The following AUTS2 variants were observed in gnomAD, a reference collection of about 807,000 sequenced individuals.
The protein encoded by AUTS2 is autism susceptibility gene 2 protein.
Under a neutral mutation model 112.4 loss-of-function variants are expected in AUTS2, and 17 were observed. That is an observed-to-expected ratio of 0.15 (90% CI 0.10 to 0.23). The LOEUF (loss-of-function observed/expected upper bound fraction) is 0.23. AUTS2 is among the 10% of genes least tolerant of loss of function. The probability of loss-of-function intolerance (pLI) is 1.00; values close to 1 mark genes in which losing one functional copy is unlikely to be tolerated. For synonymous variants in AUTS2, 751 were observed against 702.7 expected, an observed-to-expected ratio of 1.07 and a Z score of -1.09; for missense variants, 1,510 against 1,701.6, an observed-to-expected ratio of 0.89 and a Z score of 1.98.
At chr7:70,109,596 C>A (rs959146789) in intron 2 of AUTS2, among the ~76,000 whole-genome samples, 3 of 152,138 alleles carry the variant, frequency 2.0e-5, no homozygotes, top group African/African-American at 7.2e-5. Flanking sequence ...GATCTGGAAT[C>A]AATAGACAGG....
intron 4 of AUTS2, among the ~76,000 whole-genome samples, chr7:70,337,487 T>C (rs879745962): frequency 2.6e-5 from 4 of 152,222 alleles, no homozygotes; most frequent in Non-Finnish European, 5.9e-5. Context: ...TATTACTTTA[T>C]GTAGCGTGCA....
At chr7:69,842,522 G>C (rs1267034066) in intron 1 of AUTS2, among the ~76,000 whole-genome samples, 3 of 152,222 alleles carry the variant, frequency 2.0e-5, no homozygotes, top group Admixed American at 6.5e-5. Flanking sequence ...TTTGATCACA[G>C]AAGTGTGTGA....
intron 2 of AUTS2, among the ~76,000 whole-genome samples, chr7:69,954,712 T>C (rs1171388046): frequency 6.6e-6 from 1 of 152,334 alleles, no homozygotes. Flanking sequence ...AAGTTTTGCC[T>C]TATGCAAGGT....
chr7:70,660,919 A>G (rs1807038699), intron 5 of AUTS2, among the ~76,000 whole-genome samples: 1 of 152,164 alleles, frequency 6.6e-6, no homozygotes, highest in African/African-American at 2.4e-5. Context: ...TAAGTCACTG[A>G]ATCCCCATAA....
intron 2 of AUTS2, among the ~76,000 whole-genome samples, chr7:69,929,566 G>A (rs1796153130): frequency 6.7e-6 from 1 of 149,842 alleles, no homozygotes; most frequent in South Asian, 2.1e-4. Context: ...TTTTCTCTTT[G>A]CATTTCAGTT....
chr7:70,099,130 G>T (rs1804353180), intron 2 of AUTS2, among the ~76,000 whole-genome samples: 1 of 151,974 alleles, frequency 6.6e-6, no homozygotes, highest in Non-Finnish European at 1.5e-5. Flanking sequence ...CAGGTCTTAG[G>T]CTGTTTTTGT....
intron 6 of AUTS2, among the ~76,000 whole-genome samples, chr7:70,707,698 A>G (rs1225821748): frequency 6.6e-6 from 1 of 152,150 alleles, no homozygotes; most frequent in African/African-American, 2.4e-5. Flanking sequence ...CCATTATCCC[A>G]TCACCTGTGG....
intron 6 of AUTS2, among the ~76,000 whole-genome samples, chr7:70,719,246 C>A (rs1441556383): frequency 1.3e-5 from 2 of 152,138 alleles, no homozygotes; most frequent in Non-Finnish European, 2.9e-5. Context: ...CATATCTCCC[C>A]TGAGCTGTTA....
At chr7:70,574,851 G>A (rs747319921) in intron 5 of AUTS2, among the ~76,000 whole-genome samples, 1 of 152,136 alleles carries the variant, frequency 6.6e-6, no homozygotes, top group African/African-American at 2.4e-5. Context: ...ACCACCACTA[G>A]CCCTCTGTAG....
At chr7:69,907,422 T>C (rs1265185275) in intron 2 of AUTS2, among the ~76,000 whole-genome samples, 1 of 152,252 alleles carries the variant, frequency 6.6e-6, no homozygotes, top group Non-Finnish European at 1.5e-5. Flanking sequence ...GGACTCCCCA[T>C]GGATACTAAA....
chr7:70,712,503 T>C (rs1277563257), intron 6 of AUTS2, among the ~76,000 whole-genome samples: 2 of 152,138 alleles, frequency 1.3e-5, no homozygotes, highest in Admixed American at 6.5e-5. Flanking sequence ...AGACCGGTGG[T>C]TCTCAAAGTC....
At chr7:70,639,803 C>T (rs758624635) in intron 5 of AUTS2, among the ~76,000 whole-genome samples, 4 of 151,796 alleles carry the variant, frequency 2.6e-5, no homozygotes, top group Non-Finnish European at 4.4e-5. Context: ...CCGAGTTCAG[C>T]ACTGCTTGTC....
chr7:70,504,161 CAATT>C (rs1328064448), intron 5 of AUTS2, among the ~76,000 whole-genome samples: 1 of 151,710 alleles, frequency 6.6e-6, no homozygotes, highest in African/African-American at 2.4e-5. Context: ...GATTTGTTGT[CAATT>C]AAATATTAAA....
chr7:70,217,239 A>G (rs1213525734), intron 4 of AUTS2, among the ~76,000 whole-genome samples: 4 of 152,216 alleles, frequency 2.6e-5, no homozygotes. Context: ...GAGCATTCAC[A>G]GATGTTCCTA....
intron 4 of AUTS2, among the ~76,000 whole-genome samples, chr7:70,321,336 A>G (rs1392938588): frequency 6.6e-6 from 1 of 152,192 alleles, no homozygotes; most frequent in Non-Finnish European, 1.5e-5. Flanking sequence ...ATATTTTCAT[A>G]TTAGAATAGC....
chr7:69,869,260 T>C (rs1793373585), intron 1 of AUTS2, among the ~76,000 whole-genome samples: 1 of 152,142 alleles, frequency 6.6e-6, no homozygotes, highest in South Asian at 2.1e-4. Flanking sequence ...TTGTGAATAC[T>C]GGATGATGTG....
rs185652813 is a variant in AUTS2 at position 69,850,280 on chromosome 7, G to T, written c.310-49006G>T. ...CACCAGTGTACTCCAGTGCAACAGG[G>T]TGACACTCTGTCTCAAAAAAACAAA... On this transcript the variant is annotated intron_variant, in intron 1 of 18. Coordinates refer to ENST00000342771, the MANE Select transcript of AUTS2 (RefSeq NM_015570.4). 7.5e-4 allele frequency among the ~76,000 whole-genome samples: 113 copies of T among 150,728 alleles called. 1 individual carries two copies. In the East Asian group the frequency reaches 0.021, roughly 28 times the overall value.
intron 4 of AUTS2, among the ~76,000 whole-genome samples, chr7:70,257,235 G>T (rs1436030972): frequency 6.6e-6 from 1 of 152,026 alleles, no homozygotes; most frequent in Non-Finnish European, 1.5e-5. Context: ...CGACCTCCTG[G>T]ACTCAAGAGA....
rs944930196 is a variant in AUTS2 at position 70,546,390 on chromosome 7, G to A, written c.690+110609G>A. On this transcript the variant is annotated intron_variant, in intron 5 of 18. Transcript: ENST00000342771. ...ACCCGGGAGGTGGAGGTTGCAGTGA[G>A]CCGAGATTGCACCACTGCACTCCAG... Among the ~76,000 whole-genome samples, 3 of 152,120 alleles carry A rather than the reference G, an allele frequency of 2.0e-5. No homozygotes were observed. In the South Asian group the frequency reaches 6.2e-4, roughly 32 times the overall value.
Sources: allele counts gnomAD v4.1 joint callset (sites outside exome capture counted in the v4.1 genomes callset), GRCh38; gene constraint gnomAD v4.1.1; transcripts MANE v1.5; gene names NCBI Gene and HGNC (gene_info 2026-07-23, HGNC 2026-07-21).